Variants in IGF2BP1 observed in about 807,000 individuals in gnomAD.
IGF2BP1 encodes the protein insulin-like growth factor 2 mRNA-binding protein 1.
IGF2BP1 carries 11 observed loss-of-function variants against 74.9 expected under a neutral mutation model. The observed-to-expected ratio is 0.15, with a 90% CI of 0.09 to 0.24. The LOEUF (loss-of-function observed/expected upper bound fraction) is 0.24. IGF2BP1 is among the 10% of genes least tolerant of loss of function. The pLI, the probability that IGF2BP1 is intolerant of heterozygous loss-of-function variation, is 1.00. For missense variants in IGF2BP1, 440 were observed against 757.4 expected (o/e 0.58, Z 4.92); for synonymous variants, 287 against 281.8 (o/e 1.02, Z -0.18).
chr17:49,013,239 T>A (rs943168291), intron 2 of IGF2BP1, among the ~76,000 whole-genome samples: 4 of 152,166 alleles, frequency 2.6e-5, no homozygotes, highest in African/African-American at 9.7e-5. Flanking sequence ...ACAAATGTCC[T>A]ACTCTGCATG....
intron 2 of IGF2BP1, among the ~76,000 whole-genome samples, chr17:49,019,915 TA>T (rs2041758629): frequency 2.6e-5 from 1 of 39,072 alleles, no homozygotes; most frequent in Non-Finnish European, 4.4e-5. Flanking sequence ...TATATATATA[TA>T]TATATATATA....
At chr17:48,999,246 C>T (rs916375875) in intron 2 of IGF2BP1, 77 bp downstream of exon 2, 5 of 872,280 alleles carry the variant, frequency 5.7e-6, no homozygotes, top group Non-Finnish European at 9.5e-6. Context: ...GGGTCCATAG[C>T]GTCTCCAGTG....
chr17:48,997,932 G>C lies in IGF2BP1; in HGVS notation c.175+12G>C, dbSNP rs1289000993. On this transcript the variant is annotated intron_variant, in intron 1 of 14. Transcript: ENST00000290341. This position sits in a 1 kb window ranked among gnomAD's most constrained non-coding sequence, Gnocchi z 4.8. ...CGAAACTTTCTCCGGTAAGAACACA[G>C]CCACCTCCCGGAAAAGCCACAACGA... The C allele has an allele frequency of 6.2e-7, 1 of 1,611,348 alleles. No individual in the cohort carries two copies. The highest frequency in any genetic ancestry group is 8.5e-7 in the Non-Finnish European group (1 of 1,178,610).
chr17:49,015,279 G>A (rs572158295), intron 2 of IGF2BP1, among the ~76,000 whole-genome samples: 1 of 152,124 alleles, frequency 6.6e-6, no homozygotes, highest in African/African-American at 2.4e-5. Context: ...GGCCGTGACC[G>A]TATGGCTTTT....
chr17:49,043,282 G>A, intron 9 of IGF2BP1, 146 bp from the exon 10 acceptor site: 2 of 902,388 alleles, frequency 2.2e-6, no homozygotes, highest in Middle Eastern at 3.5e-4. Context: ...TGTATGAAAA[G>A]CACAGAATAG....
intron 2 of IGF2BP1, among the ~76,000 whole-genome samples, chr17:49,022,018 G>A (rs748298076): frequency 2.3e-4 from 35 of 152,336 alleles, no homozygotes; most frequent in Non-Finnish European, 4.9e-4. Context: ...ATACTAGTCT[G>A]GATACTCCAG....
At chr17:49,029,312 G>A (rs1280060756) in intron 4 of IGF2BP1, among the ~76,000 whole-genome samples, 1 of 152,214 alleles carries the variant, frequency 6.6e-6, no homozygotes, top group Non-Finnish European at 1.5e-5. Flanking sequence ...ATGAAGACCA[G>A]AGCAGTTAAG....
At chr17:48,997,039 C>G (rs1004015438), upstream of IGF2BP1, among the ~76,000 whole-genome samples, 17 of 152,282 alleles carry the variant, frequency 1.1e-4, no homozygotes, top group Non-Finnish European at 2.4e-4. This position sits in a 1 kb window ranked among gnomAD's most constrained non-coding sequence, Gnocchi z 4.8. Flanking sequence ...ACCCCGCCCC[C>G]CAAAACGAAT....
chr17:49,035,772 C>T (rs1461898577), intron 5 of IGF2BP1, among the ~76,000 whole-genome samples: 4 of 152,206 alleles, frequency 2.6e-5, no homozygotes, highest in African/African-American at 7.2e-5. Flanking sequence ...CCTCCCTGAC[C>T]CGGGCCCGCC....
At chr17:49,029,958 A>G (rs2041903210) in intron 4 of IGF2BP1, among the ~76,000 whole-genome samples, 1 of 152,012 alleles carries the variant, frequency 6.6e-6, no homozygotes, top group South Asian at 2.1e-4. Flanking sequence ...TTGGGATTCT[A>G]ATGTCAGCTT....
intron 2 of IGF2BP1, 122 bp downstream of exon 2, chr17:48,999,291 C>A: frequency 3.0e-6 from 2 of 656,062 alleles, no homozygotes; most frequent in Non-Finnish European, 5.4e-6. Context: ...CCACCCCCAA[C>A]TCCGGATGTT....
chr17:49,024,111 T>TG (rs909661339), intron 2 of IGF2BP1, among the ~76,000 whole-genome samples: 1 of 143,582 alleles, frequency 7.0e-6, no homozygotes, highest in Non-Finnish European at 1.5e-5. Context: ...TTTTTTTTTT[T>TG]GTAGAGAGGA....
intron 2 of IGF2BP1, among the ~76,000 whole-genome samples, chr17:49,018,695 A>G (rs2041739216): frequency 6.6e-6 from 1 of 151,980 alleles, no homozygotes; most frequent in African/African-American, 2.4e-5. Flanking sequence ...TATTCAGACT[A>G]TTAGGACACA....
chr17:49,025,764 G>A (rs2041845034), intron 3 of IGF2BP1, 98 bp downstream of exon 3: 4 of 1,096,158 alleles, frequency 3.6e-6, no homozygotes, highest in Non-Finnish European at 5.5e-6. Context: ...GGGGAGGTCT[G>A]GGGCCAGGCT....
chr17:49,002,686 ATAT>A (rs934209873), intron 2 of IGF2BP1, among the ~76,000 whole-genome samples: 1 of 151,906 alleles, frequency 6.6e-6, no homozygotes, highest in Non-Finnish European at 1.5e-5. Context: ...TTTCTTATTA[ATAT>A]TAGGTTAGAA....
At chr17:49,011,151 AAAAAAAAAAAAAAAAAC>A (rs1366451755) in intron 2 of IGF2BP1, among the ~76,000 whole-genome samples, 15 of 149,650 alleles carry the variant, frequency 1.0e-4, no homozygotes, top group African/African-American at 3.2e-4. Flanking sequence ...AAAAAAAAAA[AAAAAAAAAAAAAAAAAC>A]AAACCCTAAA....
In IGF2BP1 at chr17:49,012,044, T is replaced by TAC. The variant is rs1387323657; in HGVS notation, c.236+12877_236+12878dup. On this transcript the variant is annotated intron_variant, in intron 2 of 14. Coordinates refer to ENST00000290341, the MANE Select transcript of IGF2BP1 (RefSeq NM_006546.4). ...CTCCTGCCTTAGCCTCCTGAGTAGA[T>TAC]ACAGGCATGTGCCACCACACCTGGC... is the stretch of plus-strand genomic sequence containing the variant. Among the ~76,000 whole-genome samples, 3 of 151,874 alleles carry TAC rather than the reference T, an allele frequency of 2.0e-5. No individual in the cohort carries two copies. In the East Asian group the frequency reaches 5.8e-4, roughly 29 times the overall value.
rs764415371 is a variant in IGF2BP1, at chr17:49,045,848, A to G, written c.1396-42A>G. On this transcript the variant is annotated intron_variant, in intron 12 of 14. Transcript: ENST00000290341. ...TTTTCCCACTTTTCTCTTTTGTCAC[A>G]GATATATGAACCACTGATTAACAAT... The G allele has an allele frequency of 4.4e-6, 7 of 1,594,288 alleles. No homozygotes were observed. The South Asian group carries it at 7.9e-5, about 18-fold the overall frequency.
rs34684271 is a variant in IGF2BP1, at chr17:49,029,794, A to ATT, written c.338-2099_338-2098dup. Among the ~76,000 whole-genome samples the ATT allele has an allele frequency of 3.4e-3, 456 of 134,398 alleles. 2 individuals carry two copies. Among genetic ancestry groups the ATT allele is most frequent in the African/African-American group, 0.011 (417 of 36,580 alleles). The allele number at this position is 134,398 out of a possible 152,430, so 88.2% of individuals were successfully genotyped here. A position where few individuals can be genotyped will look rare whatever the true frequency, so the allele number is the denominator to read the frequency against. On this transcript the variant is annotated intron_variant, in intron 4 of 14. Transcript: ENST00000290341. ...TGGTGTTTACTACTGCACCCGGCTG[A>ATT]TTTTTTTTTTTTTTTTTTAATTTTT...
Sources: gnomAD v4.1 joint callset for allele counts (sites outside exome capture counted in the v4.1 genomes callset) on GRCh38, gnomAD v4.1.1 for gene constraint, Gnocchi (gnomAD v3.1) non-coding constraint, MANE v1.5 for transcripts, NCBI Gene and HGNC (gene_info 2026-07-23, HGNC 2026-07-21) for gene names.